FSIP2: variants seen among roughly 807,000 people sequenced by gnomAD.
The protein encoded by FSIP2 is fibrous sheath interacting protein 2.
Under a neutral mutation model 510.5 loss-of-function variants are expected in FSIP2, and 367 were observed. The observed-to-expected ratio is 0.72, with a 90% CI of 0.66 to 0.78. The LOEUF is 0.78. Ranked by LOEUF, FSIP2 falls within the 30% of genes least tolerant of loss-of-function variation. FSIP2 has a pLI of 0.00. For synonymous variants in FSIP2, 2,601 were observed against 2,732.2 expected, an observed-to-expected ratio of 0.95 and a Z score of 1.50; for missense variants, 7,594 against 7,901.7, an observed-to-expected ratio of 0.96 and a Z score of 1.48.
At chr2:185,788,335 A>G in intron 15 of FSIP2, 1 of 177,708 alleles carries the variant, frequency 5.6e-6, no homozygotes, top group Non-Finnish European at 1.2e-5. Flanking sequence ...ATTTAGTGAT[A>G]TTTTTAACAA....
chr2:185,819,180 G>T lies in FSIP2; in HGVS notation c.20426+3709G>T, dbSNP rs1382057057. 2.0e-5 allele frequency among the ~76,000 whole-genome samples: 3 copies of T among 151,816 alleles called. No individual in the cohort carries two copies. In the South Asian group the frequency reaches 6.2e-4, roughly 31 times the overall value. On this transcript the variant is annotated intron_variant, in intron 19 of 22. Transcript: ENST00000424728. Reference sequence around the variant, plus strand: ...ACATAATCCTTGTAGTAAGCACAAAGAAAATATTCCTAAAATATGCATAAA... The same window carrying T: ...ACATAATCCTTGTAGTAAGCACAAATAAAATATTCCTAAAATATGCATAAA...
At chr2:185,812,639 CAT>C (rs1437583276) in intron 17 of FSIP2, among the ~76,000 whole-genome samples, 5 of 152,058 alleles carry the variant, frequency 3.3e-5, no homozygotes, top group Non-Finnish European at 7.4e-5. Flanking sequence ...ACACACTAGA[CAT>C]ATGCATACTA....
rs1173779776 is a variant in FSIP2 at position 185,806,246 on chromosome 2, TAAG to T, written c.16943_16945del (p.Arg5648del). ...GGGACTACAACAGATACTTTGGAAA[TAAG>T]AATTCGAACATCAAGCAATGAGGGG... On this transcript the variant is annotated inframe_deletion, in exon 17 of 23. Coordinates refer to ENST00000424728, the MANE Select transcript of FSIP2 (RefSeq NM_173651.4). The T allele has an allele frequency of 1.2e-6, 2 of 1,609,952 alleles. No homozygotes were observed. Among genetic ancestry groups the T allele is most frequent in the African/African-American group, 1.3e-5 (1 of 74,640 alleles).
At chr2:185,812,808 C>T (rs1693761113) in intron 17 of FSIP2, among the ~76,000 whole-genome samples, 2 of 152,014 alleles carry the variant, frequency 1.3e-5, no homozygotes, top group Admixed American at 1.3e-4. Context: ...CTTTGAGGCA[C>T]CATTATCTGA....
chr2:185,759,275 C>T (rs1692303236), intron 9 of FSIP2, among the ~76,000 whole-genome samples: 1 of 149,626 alleles, frequency 6.7e-6, no homozygotes, highest in Non-Finnish European at 1.5e-5. Flanking sequence ...TTGACATAAT[C>T]ACACGAATCT....
At position 185,804,890 on chromosome 2, in the gene FSIP2, GTAA is replaced by G; in HGVS notation, c.15590_15592del (p.Asn5197del). ...ATTGAAAATTTGGTCGACTCCATATGTAATAATATTTTGAAAACATCTGAATTC... is the reference window on the plus strand; with the variant it reads ...ATTGAAAATTTGGTCGACTCCATATGTAATATTTTGAAAACATCTGAATTC... On this transcript the variant is annotated inframe_deletion, in exon 17 of 23. Transcript: ENST00000424728. 1.3e-6 allele frequency: 2 copies of G among 1,524,604 alleles called. No homozygotes were observed. Among genetic ancestry groups the G allele is most frequent in the South Asian group, 1.2e-5 (1 of 82,044 alleles). 94.4% of individuals were successfully genotyped at this position (1,524,604 alleles called of 1,614,324 possible). A position where few individuals can be genotyped will look rare whatever the true frequency, so the allele number is the denominator to read the frequency against.
At position 185,792,102 on chromosome 2, in the gene FSIP2, A is replaced by G; in HGVS notation, c.4966A>G (p.Thr1656Ala). 6.5e-7 allele frequency: 1 copy of G among 1,534,054 alleles called. No homozygotes were observed. Among genetic ancestry groups the G allele is most frequent in the East Asian group, 2.4e-5 (1 of 40,836 alleles). The stretch of plus-strand genomic sequence containing the variant: ...AAGTGCTATTTTGAAGGTTATTCAA[A>G]CAGAATTAAATGTGACCTCATCAGA... ...VSSAILKVIQ[T>A]ELNVTSSDLK... Residue 1656 changes from threonine (T) to alanine (A), a missense_variant, in exon 16 of 23, where the codon ACA (threonine) becomes GCA (alanine). By Grantham distance (58) the Thr-to-Ala change is moderately conservative. Coordinates refer to ENST00000424728, the MANE Select transcript of FSIP2 (RefSeq NM_173651.4).
rs1052445460 is a variant in FSIP2 at position 185,794,023 on chromosome 2, A to G, written c.6887A>G (p.Asp2296Gly). Residue 2296 changes from aspartate (D) to glycine (G), a missense_variant, in exon 16 of 23, where the codon GAC (aspartate) becomes GGC (glycine). Physicochemically the swap from Asp to Gly is moderately conservative, Grantham distance 94 (BLOSUM62 -1). Coordinates refer to ENST00000424728, the MANE Select transcript of FSIP2 (RefSeq NM_173651.4). ...GAATTGGAAAATTGTAAACAAAATGACAGCATCTTTTATGATTCAAGCCAA... is the reference window on the plus strand; with the variant it reads ...GAATTGGAAAATTGTAAACAAAATGGCAGCATCTTTTATGATTCAAGCCAA... ...IPELENCKQN[D>G]SIFYDSSQVE... is the part of the protein sequence containing the mutation. 2 of 1,533,800 alleles carry G rather than the reference A, an allele frequency of 1.3e-6. No homozygotes were observed. The highest frequency in any genetic ancestry group is 3.9e-5 in the Admixed American group (2 of 50,850).
At chr2:185,821,009 T>TAAAAAAAA (rs59331328) in intron 19 of FSIP2, among the ~76,000 whole-genome samples, 2 of 74,962 alleles carry the variant, frequency 2.7e-5, no homozygotes, top group African/African-American at 9.9e-5. Flanking sequence ...GTTGGTTCGT[T>TAAAAAAAA]AAAAAAAAAA....
Position 185,793,632 on chromosome 2 carries a change from A to C in FSIP2, c.6496A>C (p.Asn2166His), listed in dbSNP as rs1008666330. ...TGATATAGTGAATATTGTTCTTCATAATCTCAGTTCTGCTGCCACGCTTGT... is the reference window on the plus strand; with the variant it reads ...TGATATAGTGAATATTGTTCTTCATCATCTCAGTTCTGCTGCCACGCTTGT... ...SNDIVNIVLH[N>H]LSSAATLVIN... The change falls in exon 16 of 23, where the codon AAT (asparagine) becomes CAT (histidine). Residue 2166 changes from asparagine (N) to histidine (H), a missense_variant. Coordinates refer to ENST00000424728, the MANE Select transcript of FSIP2 (RefSeq NM_173651.4). 9 of 1,534,324 alleles carry C rather than the reference A, an allele frequency of 5.9e-6. No homozygotes were observed. The highest frequency in any genetic ancestry group is 1.7e-6 in the Non-Finnish European group (2 of 1,145,626).
chr2:185,802,460 A>G lies in FSIP2; in HGVS notation c.13154A>G (p.His4385Arg). Reference sequence around the variant, plus strand: ...GTTTATAGAAATGCTTTAAAGCAGCATGGGCTAGACCTTGCTGTTGATAAA... The same window carrying G: ...GTTTATAGAAATGCTTTAAAGCAGCGTGGGCTAGACCTTGCTGTTGATAAA... ...TSVYRNALKQ[H>R]GLDLAVDKES... Residue 4385 changes from histidine (H) to arginine (R), a missense_variant, in exon 17 of 23, where the codon CAT (histidine) becomes CGT (arginine). Coordinates refer to ENST00000424728, the MANE Select transcript of FSIP2 (RefSeq NM_173651.4). The G allele has an allele frequency of 6.5e-7, 1 of 1,533,982 alleles. No individual in the cohort carries two copies. Among genetic ancestry groups the G allele is most frequent in the Non-Finnish European group, 8.7e-7 (1 of 1,145,476 alleles).
chr2:185,760,089 T>C (rs1224560660), intron 9 of FSIP2, among the ~76,000 whole-genome samples: 1 of 151,006 alleles, frequency 6.6e-6, no homozygotes, highest in African/African-American at 2.4e-5. Flanking sequence ...TTTCATTTAT[T>C]AATTATCTGT....
At chr2:185,798,018 C>CA (rs1227048240) in intron 16 of FSIP2, among the ~76,000 whole-genome samples, 3 of 151,558 alleles carry the variant, frequency 2.0e-5, no homozygotes, top group Non-Finnish European at 3.0e-5. Flanking sequence ...CATCACAATG[C>CA]AAAAAAATAA....
At chr2:185,798,517 C>G (rs1693352750) in intron 16 of FSIP2, among the ~76,000 whole-genome samples, 1 of 151,836 alleles carries the variant, frequency 6.6e-6, no homozygotes, top group African/African-American at 2.4e-5. Flanking sequence ...TACCCCAGAT[C>G]TAGGTCAGTA....
chr2:185,764,280 G>T (rs1448844777), intron 12 of FSIP2, among the ~76,000 whole-genome samples: 1 of 151,546 alleles, frequency 6.6e-6, no homozygotes. Context: ...ATGTGTAGGT[G>T]GTTTTAAGTA....
intron 20 of FSIP2, 24 bp from the exon 21 acceptor site, chr2:185,828,132 C>CT (rs752584676): frequency 0.033 from 36,009 of 1,077,144 alleles, 4 homozygotes; most frequent in Admixed American, 0.038. Flanking sequence ...GACTATTTTA[C>CT]TTTTTTTTTT....
chr2:185,773,615 C>G (rs1276474815), intron 13 of FSIP2, among the ~76,000 whole-genome samples: 1 of 152,160 alleles, frequency 6.6e-6, no homozygotes, highest in Non-Finnish European at 1.5e-5. Context: ...AGTGTCAAAT[C>G]ACACCAGTAA....
Position 185,802,973 on chromosome 2 carries a change from G to C in FSIP2, c.13667G>C (p.Gly4556Ala). 6.5e-7 allele frequency: 1 copy of C among 1,530,238 alleles called. No homozygotes were observed. Among genetic ancestry groups the C allele is most frequent in the Non-Finnish European group, 8.7e-7 (1 of 1,143,762 alleles). 94.8% of individuals were successfully genotyped at this position (1,530,238 alleles called of 1,614,324 possible). Residue 4556 changes from glycine (G) to alanine (A), a missense_variant, in exon 17 of 23, where the codon GGT (glycine) becomes GCT (alanine). Transcript: ENST00000424728. ...TTTGCAAATGTTGTGCAAACCTCTG[G>C]TTCTCAAGAATCAGCTGTGCAAAAT... ...SVFANVVQTS[G>A]SQESAVQNIT...
At position 185,813,734 on chromosome 2, in the gene FSIP2, A is replaced by T. The variant is rs1693781163; in HGVS notation, c.20017A>T (p.Thr6673Ser). 6.2e-7 allele frequency: 1 copy of T among 1,612,328 alleles called. No homozygotes were observed. The highest frequency in any genetic ancestry group is 8.5e-7 in the Non-Finnish European group (1 of 1,179,204). Reference sequence around the variant, plus strand: ...TGAAGATGAAGTTGTTTTAACACAGACTTTTGCAAAAGAAGAAGGCATCAA... The same window carrying T: ...TGAAGATGAAGTTGTTTTAACACAGTCTTTTGCAAAAGAAGAAGGCATCAA... ...SDEDEVVLTQ[T>S]FAKEEGIKVF... Residue 6673 changes from threonine (T) to serine (S), a missense_variant, in exon 18 of 23, where the codon ACT becomes TCT. By Grantham distance (58) the Thr-to-Ser change is moderately conservative. Coordinates refer to ENST00000424728, the MANE Select transcript of FSIP2 (RefSeq NM_173651.4).
Sources: allele counts gnomAD v4.1 joint callset (sites outside exome capture counted in the v4.1 genomes callset), GRCh38; gene constraint gnomAD v4.1.1; transcripts MANE v1.5; gene names NCBI Gene and HGNC (gene_info 2026-07-23, HGNC 2026-07-21).